The following ATF7IP variants were observed in gnomAD, a reference collection of about 807,000 sequenced individuals.
ATF7IP encodes activating transcription factor 7-interacting protein 1.
In ATF7IP, 23 loss-of-function variants were observed where a neutral mutation model predicts 106.4. The ratio of observed to expected loss-of-function variants is 0.22; its 90% CI spans 0.16 to 0.31. The LOEUF (loss-of-function observed/expected upper bound fraction) is 0.31. Among genes scored for constraint, ATF7IP ranks in the 10% least tolerant of loss-of-function variants. The pLI, the probability that ATF7IP is intolerant of heterozygous loss-of-function variation, is 1.00. For synonymous variants in ATF7IP, 542 were observed against 539.0 expected (o/e 1.01, Z -0.08); for missense variants, 1,334 against 1,524.3 (o/e 0.88, Z 2.08).
At chr12:14,408,582 G>A (rs1940737141) in intron 1 of ATF7IP, 1 of 152,090 alleles carries the variant, frequency 6.6e-6, no homozygotes, top group African/African-American at 2.4e-5. Flanking sequence ...TCATCAATAT[G>A]TAGTAAGAAG....
intron 12 of ATF7IP, among the ~76,000 whole-genome samples, chr12:14,478,819 G>C (rs73058798): frequency 0.019 from 2,908 of 152,254 alleles, 44 homozygotes; most frequent in Non-Finnish European, 0.029. Flanking sequence ...AGTGTTAACA[G>C]GTGTTTCATG....
rs140410208 is a variant in ATF7IP at position 14,398,276 on chromosome 12, C to A, written c.-7-25633C>A. Among the ~76,000 whole-genome samples, 9 of 151,682 alleles carry A rather than the reference C, an allele frequency of 5.9e-5. No homozygotes were observed. The East Asian group carries it at 1.7e-3, about 29-fold the overall frequency. ...AGTTTGTGTTTTTTGTTAATATATG[C>A]ATTTAAGGCTATCAGTTTTAATCTG... On this transcript the variant is annotated intron_variant, in intron 1 of 14. Transcript: ENST00000261168.
intron 4 of ATF7IP, 28 bp from the exon 5 acceptor site, chr12:14,438,102 C>T (rs767448478): frequency 1.9e-6 from 3 of 1,599,410 alleles, no homozygotes; most frequent in African/African-American, 1.3e-5. Context: ...GCCTTCTTGG[C>T]ATAATGAAGG....
intron 13 of ATF7IP, among the ~76,000 whole-genome samples, chr12:14,483,787 A>G (rs1264233156): frequency 1.3e-5 from 2 of 152,106 alleles, no homozygotes; most frequent in African/African-American, 4.8e-5. Flanking sequence ...TTGTGACTTC[A>G]AAAGGCCATT....
chr12:14,386,537 T>G (rs1373527487), intron 1 of ATF7IP, among the ~76,000 whole-genome samples: 2 of 152,164 alleles, frequency 1.3e-5, no homozygotes, highest in African/African-American at 4.8e-5. Flanking sequence ...ACTTTTTGCA[T>G]GTTAAACTCT....
rs562264611 is a variant in ATF7IP at position 14,380,640 on chromosome 12, T to A, written c.-8+14813T>A. Among the ~76,000 whole-genome samples the A allele has an allele frequency of 5.9e-5, 9 of 152,356 alleles. No individual in the cohort carries two copies. The East Asian group carries it at 1.2e-3, about 20-fold the overall frequency. On this transcript the variant is annotated intron_variant, in intron 1 of 14. Coordinates refer to ENST00000261168, the MANE Select transcript of ATF7IP (RefSeq NM_018179.5). ...GGTTTTGTTTTTATTTTATTTTTTT[T>A]AAGACAGAATCTTACTCTTGCTCAG...
intron 1 of ATF7IP, among the ~76,000 whole-genome samples, chr12:14,370,050 G>C (rs185332989): frequency 6.6e-6 from 1 of 151,674 alleles, no homozygotes; most frequent in African/African-American, 2.4e-5. Flanking sequence ...TGATTCTCCT[G>C]CCTCAGCCTC....
Position 14,501,459 on chromosome 12 carries a change from CTT to C in ATF7IP, c.*3387_*3388del, listed in dbSNP as rs768091626. On this transcript the variant is annotated 3_prime_UTR_variant, in exon 15 of 15. Coordinates refer to ENST00000261168, the MANE Select transcript of ATF7IP (RefSeq NM_018179.5). The stretch of plus-strand genomic sequence containing the variant: ...GTGTGAGTAAGCCTCTTCTAAAAAT[CTT>C]GTTCTTGCCAAGAAATTTATAAATC... The C allele has an allele frequency of 4.6e-5, 7 of 152,134 alleles. No individual in the cohort carries two copies. The highest frequency in any genetic ancestry group is 2.6e-4 in the Admixed American group (4 of 15,268). The allele number at this position is 152,134 out of a possible 1,614,324, so 9.4% of individuals were successfully genotyped here.
At chr12:14,428,224 A>T (rs1473277067) in intron 2 of ATF7IP, among the ~76,000 whole-genome samples, 1 of 152,180 alleles carries the variant, frequency 6.6e-6, no homozygotes, top group Non-Finnish European at 1.5e-5. Flanking sequence ...GAATCTTGAT[A>T]TTGGAGGGCA....
At chr12:14,396,734 G>T (rs1434561098) in intron 1 of ATF7IP, among the ~76,000 whole-genome samples, 1 of 152,138 alleles carries the variant, frequency 6.6e-6, no homozygotes, top group Admixed American at 6.5e-5. Context: ...TATAGACAAA[G>T]AGAAAAAGAG....
chr12:14,382,373 C>T (rs71459151), intron 1 of ATF7IP, among the ~76,000 whole-genome samples: 3,085 of 152,204 alleles, frequency 0.02, 34 homozygotes, highest in Middle Eastern at 0.031. Flanking sequence ...TTTCTTAAAA[C>T]CTGTGACATT....
intron 10 of ATF7IP, among the ~76,000 whole-genome samples, chr12:14,469,471 A>G (rs1943958140): frequency 6.6e-6 from 1 of 151,944 alleles, no homozygotes; most frequent in African/African-American, 2.4e-5. Context: ...TAGTTGTTAA[A>G]TGAAGATTTA....
At chr12:14,380,745 G>A (rs1254502820) in intron 1 of ATF7IP, among the ~76,000 whole-genome samples, 1 of 152,090 alleles carries the variant, frequency 6.6e-6, no homozygotes, top group African/African-American at 2.4e-5. Flanking sequence ...TCAGCCTCCC[G>A]AGTACCTGGG....
At position 14,393,262 on chromosome 12, in the gene ATF7IP, T is replaced by C. The variant is rs562927886; in HGVS notation, c.-8+27435T>C. Among the ~76,000 whole-genome samples, 12 of 152,312 alleles carry C rather than the reference T, an allele frequency of 7.9e-5. No homozygotes were observed. The East Asian group carries it at 2.3e-3, about 29-fold the overall frequency. ...GTATATAATAAGTGATTTCTTTTTTTAATTTTTAACTTCTAGATTCTGTTC... is the reference window on the plus strand; with the variant it reads ...GTATATAATAAGTGATTTCTTTTTTCAATTTTTAACTTCTAGATTCTGTTC... On this transcript the variant is annotated intron_variant, in intron 1 of 14. Coordinates refer to ENST00000261168, the MANE Select transcript of ATF7IP (RefSeq NM_018179.5).
At chr12:14,368,611 A>C (rs1938401951) in intron 1 of ATF7IP, among the ~76,000 whole-genome samples, 1 of 152,166 alleles carries the variant, frequency 6.6e-6, no homozygotes, top group South Asian at 2.1e-4. Context: ...ATTGATAAAA[A>C]CTTTTTTTTG....
intron 13 of ATF7IP, among the ~76,000 whole-genome samples, chr12:14,484,384 G>A (rs953190758): frequency 4.6e-5 from 7 of 152,150 alleles, no homozygotes; most frequent in Non-Finnish European, 5.9e-5. Context: ...GAGGTCACCC[G>A]TTGGTGAGCA....
rs191695231 is a variant in ATF7IP at position 14,443,846 on chromosome 12, T to G, written c.1930-3142T>G. On this transcript the variant is annotated intron_variant, in intron 5 of 14. Coordinates refer to ENST00000261168, the MANE Select transcript of ATF7IP (RefSeq NM_018179.5). ...ACTACCTCATATAAGGACAATATAT[T>G]CTAATAGTTTTCCTTATATCAACAA... Among the ~76,000 whole-genome samples the G allele has an allele frequency of 2.0e-5, 3 of 152,290 alleles. No individual in the cohort carries two copies. The East Asian group carries it at 5.8e-4, about 29-fold the overall frequency.
At chr12:14,406,840 C>T (rs1940618655) in intron 1 of ATF7IP, among the ~76,000 whole-genome samples, 1 of 152,032 alleles carries the variant, frequency 6.6e-6, no homozygotes, top group Non-Finnish European at 1.5e-5. Context: ...GATCCACCCA[C>T]CTCAGCCTCC....
At chr12:14,477,923 T>C (rs2136798482) in intron 11 of ATF7IP, among the ~76,000 whole-genome samples, 1 of 152,308 alleles carries the variant, frequency 6.6e-6, no homozygotes, top group South Asian at 2.1e-4. Flanking sequence ...TAAATAATTG[T>C]AGTAATTGAA....
Sources: gnomAD v4.1 joint callset for allele counts (sites outside exome capture counted in the v4.1 genomes callset) on GRCh38, gnomAD v4.1.1 for gene constraint, MANE v1.5 for transcripts, NCBI Gene and HGNC (gene_info 2026-07-23, HGNC 2026-07-21) for gene names.